CRYBA4: variants seen among roughly 807,000 people sequenced by gnomAD.
CRYBA4 encodes beta-crystallin A4.
A neutral mutation model predicts 31.7 loss-of-function variants in CRYBA4; 30 were observed. The ratio of observed to expected loss-of-function variants is 0.95; its 90% confidence interval spans 0.71 to 1.28. CRYBA4 has a LOEUF of 1.28. Among genes scored for constraint, CRYBA4 ranks in the 50% most tolerant of loss-of-function variants. The probability of loss-of-function intolerance (pLI) is 0.00; values close to 1 mark genes in which losing one functional copy is unlikely to be tolerated. For missense variants in CRYBA4, 225 were observed against 260.7 expected (o/e 0.86, Z 0.94); for synonymous variants, 102 against 102.3 (o/e 1.00, Z 0.02).
At chr22:26,593,740 C>T in the CRYBA4 span, among the ~76,000 whole-genome samples, 1 of 152,022 alleles carries the variant, frequency 6.6e-6, no homozygotes, top group Non-Finnish European at 1.5e-5. Flanking sequence ...TGGCCAGGCT[C>T]GTCTCCAACT....
chr22:26,608,088 T>C, the CRYBA4 span: 1 of 1,612,182 alleles, frequency 6.2e-7, no homozygotes, highest in Non-Finnish European at 8.5e-7. Context: ...CACTCCCTAC[T>C]TGCCTTTCTC....
At chr22:26,592,076 G>A in the CRYBA4 span, among the ~76,000 whole-genome samples, 1 of 152,156 alleles carries the variant, frequency 6.6e-6, no homozygotes, top group African/African-American at 2.4e-5. Context: ...CTGCCTCCAT[G>A]GAGCCAGCCA....
At chr22:26,600,091 A>C in the CRYBA4 span, among the ~76,000 whole-genome samples, 4 of 152,182 alleles carry the variant, frequency 2.6e-5, no homozygotes, top group African/African-American at 9.7e-5. Flanking sequence ...GAAAGAGAGG[A>C]AGTGTTATTT....
the CRYBA4 span, among the ~76,000 whole-genome samples, chr22:26,601,036 G>A: frequency 6.6e-6 from 1 of 152,198 alleles, no homozygotes; most frequent in African/African-American, 2.4e-5. Context: ...ACAGTGCCTG[G>A]CTCACAGACA....
upstream of CRYBA4, chr22:26,621,863 T>G: frequency 1.9e-6 from 1 of 528,224 alleles, no homozygotes; most frequent in Non-Finnish European, 2.4e-6. Context: ...AGGGCTGGCT[T>G]TTGTTTCTGT....
At chr22:26,612,054 C>G in the CRYBA4 span, 7 of 1,576,416 alleles carry the variant, frequency 4.4e-6, no homozygotes, top group African/African-American at 8.1e-5. Flanking sequence ...GTGTGCCCCT[C>G]CGCCGCCCAG....
At chr22:26,609,344 G>A in the CRYBA4 span, among the ~76,000 whole-genome samples, 1 of 152,076 alleles carries the variant, frequency 6.6e-6, no homozygotes, top group African/African-American at 2.4e-5. Context: ...GCCCTGTCTG[G>A]TCTGGAGTAG....
chr22:26,622,527 C>A, intron 1 of CRYBA4, 58 bp from the exon 2 acceptor site: 1 of 1,470,418 alleles, frequency 6.8e-7, no homozygotes. Context: ...CAGCCATCTG[C>A]ATAAAGAGGA....
chr22:26,628,691 C>G (rs1036731509), intron 5 of CRYBA4, among the ~76,000 whole-genome samples: 8 of 152,318 alleles, frequency 5.3e-5, no homozygotes, highest in Admixed American at 5.2e-4. Context: ...AGGTATCTCT[C>G]TCCCCCCACA....
intron 4 of CRYBA4, among the ~76,000 whole-genome samples, chr22:26,627,482 C>CTT (rs1929773902): frequency 5.0e-5 from 2 of 39,876 alleles, no homozygotes; most frequent in Admixed American, 3.6e-4. Flanking sequence ...CTTTCTCTTT[C>CTT]TTTCCTTTTC....
chr22:26,617,490 G>T (rs552698148), upstream of CRYBA4, among the ~76,000 whole-genome samples: 2 of 152,232 alleles, frequency 1.3e-5, no homozygotes, highest in South Asian at 4.2e-4. Flanking sequence ...CAGGGGTGAG[G>T]CCAGACATCT....
chr22:26,606,860 A>G, the CRYBA4 span, among the ~76,000 whole-genome samples: 1 of 152,158 alleles, frequency 6.6e-6, no homozygotes, highest in Non-Finnish European at 1.5e-5. Context: ...CTCATCATCA[A>G]CTTAATTCTG....
the CRYBA4 span, among the ~76,000 whole-genome samples, chr22:26,603,106 A>G: frequency 6.8e-6 from 1 of 147,606 alleles, no homozygotes; most frequent in African/African-American, 2.5e-5. Context: ...AACCTGGGCA[A>G]CAGAGCGAGA....
the CRYBA4 span, chr22:26,616,375 C>G: frequency 7.0e-7 from 1 of 1,428,430 alleles, no homozygotes; most frequent in Admixed American, 1.7e-5. Flanking sequence ...ATGACACCCC[C>G]AAACTGCCTC....
chr22:26,607,020 T>A, the CRYBA4 span, among the ~76,000 whole-genome samples: 76 of 38,014 alleles, frequency 2.0e-3, 1 homozygote, highest in East Asian at 0.08. Context: ...ATCCCTCTCC[T>A]TTTTTTTTTT....
intron 5 of CRYBA4, 81 bp downstream of exon 5, chr22:26,628,511 G>C (rs932132496): frequency 1.3e-6 from 2 of 1,544,362 alleles, no homozygotes; most frequent in Non-Finnish European, 8.9e-7. Context: ...ACTGTGTGCT[G>C]GGGACTTTTG....
upstream of CRYBA4, among the ~76,000 whole-genome samples, chr22:26,619,251 G>A (rs1189496619): frequency 1.3e-5 from 2 of 152,140 alleles, no homozygotes; most frequent in East Asian, 3.9e-4. Context: ...GAGGCACAGG[G>A]GACATGGACA....
chr22:26,593,390 C>G, the CRYBA4 span, among the ~76,000 whole-genome samples: 6 of 151,998 alleles, frequency 3.9e-5, no homozygotes, highest in Non-Finnish European at 8.8e-5. Context: ...GTAATTCCAG[C>G]ACTGTGGGAG....
At chr22:26,625,010 C>T (rs1225546996) in intron 3 of CRYBA4, among the ~76,000 whole-genome samples, 1 of 152,176 alleles carries the variant, frequency 6.6e-6, no homozygotes, top group African/African-American at 2.4e-5. Context: ...CAAGACTGCC[C>T]GTCTCCCACA....
Sources: gnomAD v4.1 joint callset for allele counts (sites outside exome capture counted in the v4.1 genomes callset) on GRCh38, gnomAD v4.1.1 for gene constraint, MANE v1.5 for transcripts, NCBI Gene and HGNC (gene_info 2026-07-23, HGNC 2026-07-21) for gene names.